Variants in PRR16 observed in about 807,000 individuals in gnomAD.
The protein encoded by PRR16 is proline rich 16, also known as protein Largen.
PRR16 carries 6 observed loss-of-function variants against 18.2 expected under a neutral mutation model. That is an observed-to-expected ratio of 0.33 (90% confidence interval 0.18 to 0.65). The LOEUF is 0.65. Ranked by LOEUF, PRR16 falls within the 30% of genes least tolerant of loss-of-function variation. The probability of loss-of-function intolerance (pLI) is 0.74; values close to 1 mark genes in which losing one functional copy is unlikely to be tolerated. For synonymous variants in PRR16, 151 were observed against 147.8 expected, an observed-to-expected ratio of 1.02 and a Z score of -0.16; for missense variants, 412 against 376.6, an observed-to-expected ratio of 1.09 and a Z score of -0.78.
chr5:120,581,708 G>T (rs1256205067), intron 1 of PRR16, among the ~76,000 whole-genome samples: 1 of 151,906 alleles, frequency 6.6e-6, no homozygotes, highest in African/African-American at 2.4e-5. Context: ...CAGAGATTCT[G>T]GTATGTTGTC....
chr5:120,614,810 G>A (rs181292110), intron 1 of PRR16, among the ~76,000 whole-genome samples: 3 of 152,268 alleles, frequency 2.0e-5, no homozygotes, highest in South Asian at 2.1e-4. Context: ...TTATGAAGCT[G>A]GGGGATTCTG....
intron 1 of PRR16, among the ~76,000 whole-genome samples, chr5:120,661,566 C>T (rs1195615390): frequency 6.6e-6 from 1 of 151,828 alleles, no homozygotes; most frequent in Non-Finnish European, 1.5e-5. Flanking sequence ...AAGTAGCATT[C>T]CTTATGATGT....
intron 1 of PRR16, among the ~76,000 whole-genome samples, chr5:120,671,986 T>C (rs1756622456): frequency 6.6e-6 from 1 of 152,236 alleles, no homozygotes; most frequent in Non-Finnish European, 1.5e-5. Flanking sequence ...TGTTTATTGT[T>C]CATTTATTCA....
In PRR16 at chr5:120,635,808, C is replaced by A. The variant is rs576350581; in HGVS notation, c.160-50146C>A. Among the ~76,000 whole-genome samples the A allele has an allele frequency of 1.8e-3, 274 of 152,130 alleles. 1 individual carries two copies. The highest frequency in any genetic ancestry group is 3.1e-3 in the Non-Finnish European group (210 of 67,962). ...AGAAAGAAAGAAAGGGCACTCGAAT[C>A]GGTAAAGAGGAAGTCAAACTGGTGC... On this transcript the variant is annotated intron_variant, in intron 1 of 1. Coordinates refer to ENST00000407149, the MANE Select transcript of PRR16 (RefSeq NM_001300783.2).
the PRR16 span, among the ~76,000 whole-genome samples, chr5:120,769,995 G>T: frequency 6.6e-6 from 1 of 151,778 alleles, no homozygotes; most frequent in South Asian, 2.1e-4. Context: ...TTGGTCACTT[G>T]TATGTCTTCT....
chr5:120,536,526 A>T (rs1333262510), intron 1 of PRR16, among the ~76,000 whole-genome samples: 1 of 152,194 alleles, frequency 6.6e-6, no homozygotes, highest in Non-Finnish European at 1.5e-5. Context: ...AAAGTTAAGT[A>T]CACATATACA....
chr5:120,550,329 T>C (rs1372497798), intron 1 of PRR16, among the ~76,000 whole-genome samples: 1 of 152,064 alleles, frequency 6.6e-6, no homozygotes, highest in African/African-American at 2.4e-5. Context: ...ATTACTTGAC[T>C]GTAACAAATA....
At chr5:120,768,542 G>T in the PRR16 span, among the ~76,000 whole-genome samples, 3 of 151,400 alleles carry the variant, frequency 2.0e-5, no homozygotes, top group Admixed American at 1.3e-4. Flanking sequence ...CAGGAACTCC[G>T]AATCCTGAAT....
chr5:120,505,141 TCCC>T (rs1750598778), intron 1 of PRR16, among the ~76,000 whole-genome samples: 3 of 152,324 alleles, frequency 2.0e-5, no homozygotes, highest in African/African-American at 7.2e-5. Flanking sequence ...TTCTTTCTTC[TCCC>T]TTTCCAAACA....
intron 1 of PRR16, among the ~76,000 whole-genome samples, chr5:120,474,757 T>A (rs958641154): frequency 6.6e-6 from 1 of 152,172 alleles, no homozygotes; most frequent in African/African-American, 2.4e-5. Context: ...TAAATTGGTA[T>A]TTTTTAAGGG....
chr5:120,488,298 A>G (rs1402558561), intron 1 of PRR16, among the ~76,000 whole-genome samples: 3 of 151,992 alleles, frequency 2.0e-5, no homozygotes, highest in African/African-American at 7.2e-5. Flanking sequence ...TTGGTTGGTA[A>G]GCTATTAATT....
intron 1 of PRR16, among the ~76,000 whole-genome samples, chr5:120,518,195 A>C (rs1751059181): frequency 6.6e-6 from 1 of 152,176 alleles, no homozygotes; most frequent in Non-Finnish European, 1.5e-5. Context: ...TAAATGAGGT[A>C]ATGTATAAAG....
At chr5:120,529,750 T>G (rs1286016000) in intron 1 of PRR16, among the ~76,000 whole-genome samples, 1 of 152,070 alleles carries the variant, frequency 6.6e-6, no homozygotes, top group African/African-American at 2.4e-5. Context: ...AGTCTAAGGA[T>G]TTAAGAATAG....
At chr5:120,594,759 C>T (rs1753747716) in intron 1 of PRR16, among the ~76,000 whole-genome samples, 1 of 151,978 alleles carries the variant, frequency 6.6e-6, no homozygotes, top group Admixed American at 6.6e-5. Context: ...CAAACACGGA[C>T]AGGTAGACCA....
At chr5:120,756,984 T>G in the PRR16 span, among the ~76,000 whole-genome samples, 2 of 152,062 alleles carry the variant, frequency 1.3e-5, no homozygotes, top group African/African-American at 4.8e-5. Flanking sequence ...TTAATTTAGT[T>G]TTTGTATATG....
intron 1 of PRR16, among the ~76,000 whole-genome samples, chr5:120,651,088 G>C (rs1220436388): frequency 6.6e-6 from 1 of 152,144 alleles, no homozygotes; most frequent in Non-Finnish European, 1.5e-5. Flanking sequence ...GTGATGATGA[G>C]CATTTTTTCA....
At chr5:120,484,985 A>G (rs894793829) in intron 1 of PRR16, among the ~76,000 whole-genome samples, 1 of 151,812 alleles carries the variant, frequency 6.6e-6, no homozygotes, top group Non-Finnish European at 1.5e-5. Flanking sequence ...AATACATATG[A>G]TTCCATGGGA....
the PRR16 span, among the ~76,000 whole-genome samples, chr5:120,709,977 T>G: frequency 1.7e-3 from 264 of 152,300 alleles, no homozygotes; most frequent in Admixed American, 2.9e-3. Flanking sequence ...TTCCTATCTT[T>G]TGGATATATA....
At chr5:120,655,742 T>G (rs1381318652) in intron 1 of PRR16, among the ~76,000 whole-genome samples, 2 of 151,466 alleles carry the variant, frequency 1.3e-5, no homozygotes, top group Middle Eastern at 3.4e-3. Context: ...TTTTTGTTTT[T>G]TTTTTTCTGA....
Sources: gnomAD v4.1 joint callset for allele counts (sites outside exome capture counted in the v4.1 genomes callset) on GRCh38, gnomAD v4.1.1 for gene constraint, MANE v1.5 for transcripts, NCBI Gene and HGNC (gene_info 2026-07-23, HGNC 2026-07-21) for gene names.